The following HTR2C variants were observed in gnomAD, a reference collection of about 807,000 sequenced individuals.
HTR2C encodes the protein 5-hydroxytryptamine receptor 2C, also known as 5-hydroxytryptamine (serotonin) receptor 2C, G protein-coupled.
HTR2C carries 5 observed loss-of-function variants against 21.0 expected under a neutral mutation model. The observed-to-expected ratio is 0.24, with a 90% CI of 0.12 to 0.50. The LOEUF (loss-of-function observed/expected upper bound fraction) is 0.50, where lower values mean the gene tolerates loss of function less well. Ranked by LOEUF, HTR2C falls within the 20% of genes least tolerant of loss-of-function variation. The probability of loss-of-function intolerance (pLI) is 0.98; values close to 1 mark genes in which losing one functional copy is unlikely to be tolerated. For missense variants in HTR2C, 271 were observed against 371.2 expected (o/e 0.73, Z 2.22); for synonymous variants, 150 against 145.3 (o/e 1.03, Z -0.23).
chrX:114,816,732 A>G (rs2070588677), intron 4 of HTR2C, among the ~76,000 whole-genome samples: 1 of 111,028 alleles, frequency 9.0e-6, no homozygotes, highest in South Asian at 3.7e-4. Context: ...TAAAAAAATT[A>G]CAGCAATAAG....
At chrX:114,769,681 C>T (rs188600000) in intron 4 of HTR2C, among the ~76,000 whole-genome samples, 3 of 111,454 alleles carry the variant, frequency 2.7e-5, no homozygotes, top group African/African-American at 9.7e-5. Flanking sequence ...AGACATATTG[C>T]TCCAATATAC....
intron 2 of HTR2C, among the ~76,000 whole-genome samples, chrX:114,715,506 G>A (rs1932976432): frequency 1.1e-5 from 1 of 87,286 alleles, no homozygotes; most frequent in African/African-American, 3.9e-5. Flanking sequence ...ATTTTTAAGT[G>A]TCTTGACAAA....
At chrX:114,822,594 G>A (rs1484683923) in intron 4 of HTR2C, among the ~76,000 whole-genome samples, 1 of 112,279 alleles carries the variant, frequency 8.9e-6, no homozygotes, top group Non-Finnish European at 1.9e-5. Context: ...TCTTTTCCAT[G>A]CACTCATAGG....
intron 5 of HTR2C, among the ~76,000 whole-genome samples, chrX:114,888,764 T>C (rs7892376): frequency 0.019 from 2,169 of 112,228 alleles, 53 homozygotes; most frequent in African/African-American, 0.066. Flanking sequence ...TGTTCTTCTA[T>C]AATTTCCACT....
intron 1 of HTR2C, among the ~76,000 whole-genome samples, chrX:114,602,509 C>G (rs1306990257): frequency 2.1e-4 from 12 of 58,384 alleles, no homozygotes; most frequent in African/African-American, 8.1e-4. Context: ...TTTTAAAAGA[C>G]CTTTAGTCCA....
At chrX:114,759,523 T>C (rs2069845292) in intron 4 of HTR2C, among the ~76,000 whole-genome samples, 1 of 112,139 alleles carries the variant, frequency 8.9e-6, no homozygotes, top group South Asian at 3.7e-4. Flanking sequence ...GCATATAAAT[T>C]GCATCTATAA....
At chrX:114,775,216 A>G (rs2070044745) in intron 4 of HTR2C, 5 of 519,768 alleles carry the variant, frequency 9.6e-6, no homozygotes, top group Non-Finnish European at 1.8e-5. Flanking sequence ...TTACCGGACC[A>G]TATGTTCATG....
At chrX:114,772,477 C>T (rs782226998) in intron 4 of HTR2C, among the ~76,000 whole-genome samples, 771 of 9,765 alleles carry the variant, frequency 0.079, 4 homozygotes, top group Non-Finnish European at 0.11. Flanking sequence ...GGTGGCGGGG[C>T]GGGGCGTGGT....
chrX:114,837,583 C>T (rs1409197628), intron 4 of HTR2C, among the ~76,000 whole-genome samples: 1 of 110,648 alleles, frequency 9.0e-6, no homozygotes, highest in Non-Finnish European at 1.9e-5. Context: ...TGTTCTTGGA[C>T]TAGTTAAACC....
chrX:114,754,807 T>G (rs1214315401), intron 4 of HTR2C, among the ~76,000 whole-genome samples: 1 of 112,061 alleles, frequency 8.9e-6, no homozygotes, highest in East Asian at 2.8e-4. Context: ...ACTTTTGCTC[T>G]GCAAAAGAGC....
intron 5 of HTR2C, among the ~76,000 whole-genome samples, chrX:114,891,854 G>A (rs372785960): frequency 9.0e-6 from 1 of 110,516 alleles, no homozygotes; most frequent in Non-Finnish European, 1.9e-5. Flanking sequence ...AGTTTTCAGA[G>A]AATTTTTATC....
chrX:114,681,708 C>A (rs1342923785), intron 2 of HTR2C, among the ~76,000 whole-genome samples: 3 of 111,743 alleles, frequency 2.7e-5, no homozygotes, highest in South Asian at 3.7e-4. Context: ...AATCTAATCT[C>A]TAGATTACCA....
At chrX:114,630,114 C>T (rs782109878) in intron 2 of HTR2C, among the ~76,000 whole-genome samples, 1 of 111,469 alleles carries the variant, frequency 9.0e-6, no homozygotes, top group East Asian at 2.8e-4. Context: ...CTTCCAGAGG[C>T]ACAGGAAAGA....
chrX:114,865,033 C>A (rs1418384749), intron 5 of HTR2C, among the ~76,000 whole-genome samples: 1 of 109,819 alleles, frequency 9.1e-6, no homozygotes, highest in African/African-American at 3.3e-5. Context: ...ATGAAAACAT[C>A]CATCCCCATC....
chrX:114,735,499 A>G (rs1274362628), intron 4 of HTR2C, among the ~76,000 whole-genome samples: 1 of 111,236 alleles, frequency 9.0e-6, no homozygotes, highest in African/African-American at 3.3e-5. Flanking sequence ...GAAAAATACC[A>G]TGTCATATAA....
At chrX:114,824,071 A>G (rs1230997609) in intron 4 of HTR2C, among the ~76,000 whole-genome samples, 1 of 112,294 alleles carries the variant, frequency 8.9e-6, no homozygotes, top group Non-Finnish European at 1.9e-5. Context: ...CCAGAGAAGA[A>G]CTAACAATTC....
intron 4 of HTR2C, among the ~76,000 whole-genome samples, chrX:114,793,640 A>C (rs1270676849): frequency 2.7e-5 from 3 of 111,117 alleles, no homozygotes; most frequent in Non-Finnish European, 5.7e-5. Flanking sequence ...TACGGGATTG[A>C]AAGTCAGGAG....
At chrX:114,680,005 A>G (rs1418827248) in intron 2 of HTR2C, among the ~76,000 whole-genome samples, 4 of 106,293 alleles carry the variant, frequency 3.8e-5, no homozygotes, top group Non-Finnish European at 7.9e-5. Context: ...ACTTCACTTG[A>G]TTTTACTATT....
In HTR2C at chrX:114,906,749, C is replaced by T. The variant is rs1556486918; in HGVS notation, c.711C>T (p.Thr237=). The change falls in exon 6 of 6, where the codon ACC becomes ACT. Residue 237 remains threonine (T), a synonymous_variant. Transcript: ENST00000276198. ...LTIMVITYCL[T]IYVLRRQALM... ...TTATGGTGATTACGTATTGCCTGAC[C>T]ATCTACGTTCTGCGCCGACAAGCTT... The T allele has an allele frequency of 8.3e-7, 1 of 1,211,029 alleles. No homozygotes were observed. The highest frequency in any genetic ancestry group is 2.2e-5 in the Admixed American group (1 of 45,956).
Sources: allele counts gnomAD v4.1 joint callset (sites outside exome capture counted in the v4.1 genomes callset), GRCh38; gene constraint gnomAD v4.1.1; transcripts MANE v1.5; gene names NCBI Gene and HGNC (gene_info 2026-07-23, HGNC 2026-07-21).